The following DAB1 variants were observed in gnomAD, a reference collection of about 807,000 sequenced individuals.
DAB1 encodes the protein disabled homolog 1.
A neutral mutation model predicts 64.6 loss-of-function variants in DAB1; 15 were observed. That is an observed-to-expected ratio of 0.23 (90% CI 0.16 to 0.36). The LOEUF is 0.36. DAB1 is among the 10% of genes least tolerant of loss of function. The pLI is 1.00. For missense variants in DAB1, 596 were observed against 706.7 expected, an observed-to-expected ratio of 0.84 and a Z score of 1.78; for synonymous variants, 235 against 251.9, an observed-to-expected ratio of 0.93 and a Z score of 0.64.
At chr1:57,902,156 CAAAAA>C (rs60082541) in intron 5 of DAB1, among the ~76,000 whole-genome samples, 2 of 114,488 alleles carry the variant, frequency 1.7e-5, no homozygotes. Context: ...GATCTTGTCT[CAAAAA>C]AAAAAAAAAA....
intron 7 of DAB1, among the ~76,000 whole-genome samples, chr1:57,645,032 G>T (rs1468650629): frequency 6.6e-6 from 1 of 152,146 alleles, no homozygotes; most frequent in Non-Finnish European, 1.5e-5. Flanking sequence ...AATCCAGGGA[G>T]GGGGAAAGCA....
chr1:57,057,745 C>T (rs1380404702), intron 9 of DAB1, among the ~76,000 whole-genome samples: 1 of 150,632 alleles, frequency 6.6e-6, no homozygotes, highest in South Asian at 2.1e-4. Context: ...GCAGCTGGGA[C>T]TACAGGTGCC....
intron 1 of DAB1, among the ~76,000 whole-genome samples, chr1:57,422,381 C>T (rs1248836788): frequency 1.3e-5 from 2 of 152,150 alleles, no homozygotes; most frequent in Non-Finnish European, 2.9e-5. Flanking sequence ...CCCCCGGGCT[C>T]GCCCCCGTCC....
chr1:57,072,203 C>T (rs1651545107), intron 5 of DAB1, 80 bp downstream of exon 5: 3 of 1,481,646 alleles, frequency 2.0e-6, no homozygotes, highest in Admixed American at 3.6e-5. Context: ...TGAGAGTGGG[C>T]CCTCAAAGAC....
chr1:58,541,630 AAAAAAAAAAAACCAAAAAC>A (rs1646620259), intron 1 of DAB1: 1 of 130,910 alleles, frequency 7.6e-6, no homozygotes, highest in Non-Finnish European at 1.7e-5. Context: ...AAAAAAAAAA[AAAAAAAAAAAACCAAAAAC>A]AAAAAACAAA....
intron 2 of DAB1, among the ~76,000 whole-genome samples, chr1:57,276,187 T>C (rs767993298): frequency 6.6e-6 from 1 of 152,210 alleles, no homozygotes; most frequent in Non-Finnish European, 1.5e-5. Context: ...AGAAAAATAC[T>C]GAAAGAAAAT....
intron 7 of DAB1, among the ~76,000 whole-genome samples, chr1:57,566,476 T>C (rs1233202854): frequency 6.6e-6 from 1 of 152,074 alleles, no homozygotes; most frequent in African/African-American, 2.4e-5. Flanking sequence ...AAAAAATCAA[T>C]GAATCCAGGA....
intron 5 of DAB1, among the ~76,000 whole-genome samples, chr1:58,018,340 A>C (rs1007026330): frequency 1.3e-5 from 2 of 152,066 alleles, no homozygotes; most frequent in African/African-American, 4.8e-5. Flanking sequence ...AACCTGTCCT[A>C]ATGTCCCCAG....
At chr1:58,205,830 C>G (rs1246198797) in intron 4 of DAB1, among the ~76,000 whole-genome samples, 2 of 152,174 alleles carry the variant, frequency 1.3e-5, no homozygotes, top group South Asian at 4.1e-4. Flanking sequence ...GCCCTGGAAC[C>G]CTGTCTGATG....
At chr1:57,202,316 T>C (rs1186492787) in intron 2 of DAB1, among the ~76,000 whole-genome samples, 2 of 152,236 alleles carry the variant, frequency 1.3e-5, no homozygotes, top group Non-Finnish European at 2.9e-5. Context: ...CTGGATTCCT[T>C]TGAATGTGCA....
At chr1:57,093,282 C>G (rs145270411) in intron 4 of DAB1, among the ~76,000 whole-genome samples, 1 of 152,118 alleles carries the variant, frequency 6.6e-6, no homozygotes, top group Non-Finnish European at 1.5e-5. Context: ...AAAAAGGTCC[C>G]CTGGTCAGAG....
At chr1:58,530,269 T>G (rs536305521) in intron 1 of DAB1, among the ~76,000 whole-genome samples, 284 of 152,320 alleles carry the variant, frequency 1.9e-3, no homozygotes, top group Non-Finnish European at 2.6e-3. Flanking sequence ...CAGCTGAATT[T>G]GGGAGTCATT....
At chr1:57,305,249 T>G (rs561770323) in intron 1 of DAB1, among the ~76,000 whole-genome samples, 6 of 152,264 alleles carry the variant, frequency 3.9e-5, no homozygotes, top group Non-Finnish European at 8.8e-5. Flanking sequence ...GAGGGAACCC[T>G]GTAGAGAAAA....
chr1:58,290,128 C>A (rs1369502727), intron 4 of DAB1, among the ~76,000 whole-genome samples: 1 of 152,122 alleles, frequency 6.6e-6, no homozygotes, highest in Non-Finnish European at 1.5e-5. Flanking sequence ...AAAGAGCCTG[C>A]AGTTCAATAA....
chr1:58,468,127 G>C (rs1164122959), intron 3 of DAB1: 2 of 152,242 alleles, frequency 1.3e-5, no homozygotes, highest in African/African-American at 4.8e-5. Context: ...ATTTCACCAT[G>C]TTGGCCAGGA....
intron 2 of DAB1, among the ~76,000 whole-genome samples, chr1:58,509,429 G>A (rs939278929): frequency 2.6e-4 from 39 of 148,360 alleles, no homozygotes; most frequent in African/African-American, 9.1e-4. Flanking sequence ...AAACCAAAAA[G>A]AAAATGATTT....
At chr1:57,263,876 A>T (rs568937793) in intron 2 of DAB1, among the ~76,000 whole-genome samples, 2 of 152,236 alleles carry the variant, frequency 1.3e-5, no homozygotes, top group Admixed American at 1.3e-4. Context: ...TAGCTGTTTG[A>T]TGGTGAGAGT....
chr1:57,180,232 C>T (rs113296321), intron 2 of DAB1, among the ~76,000 whole-genome samples: 66 of 152,316 alleles, frequency 4.3e-4, no homozygotes, highest in African/African-American at 1.6e-3. Flanking sequence ...CCCTAAACTG[C>T]ACCTTCCCCT....
intron 4 of DAB1, among the ~76,000 whole-genome samples, chr1:58,250,340 C>G (rs1660751435): frequency 6.6e-6 from 1 of 152,208 alleles, no homozygotes; most frequent in African/African-American, 2.4e-5. Context: ...CTGGGGCTGG[C>G]AGGTCCGTGT....
Sources: allele counts gnomAD v4.1 joint callset (sites outside exome capture counted in the v4.1 genomes callset), GRCh38; gene constraint gnomAD v4.1.1; transcripts MANE v1.5; gene names NCBI Gene and HGNC (gene_info 2026-07-23, HGNC 2026-07-21).